Variants in CACNA1C observed in about 807,000 individuals in gnomAD.
CACNA1C encodes calcium voltage-gated channel subunit alpha1 C.
In CACNA1C, 30 loss-of-function variants were observed where a neutral mutation model predicts 229.0. The ratio of observed to expected loss-of-function variants is 0.13; its 90% CI spans 0.10 to 0.18. The LOEUF (loss-of-function observed/expected upper bound fraction) is 0.18. Among genes scored for constraint, CACNA1C ranks in the 10% least tolerant of loss-of-function variants. The pLI is 1.00. For synonymous variants in CACNA1C, 1,114 were observed against 1,132.5 expected, an observed-to-expected ratio of 0.98 and a Z score of 0.33; for missense variants, 1,658 against 2,845.0, an observed-to-expected ratio of 0.58 and a Z score of 9.49.
chr12:2,079,118 A>G (rs1361395862), intron 1 of CACNA1C, among the ~76,000 whole-genome samples: 1 of 84,538 alleles, frequency 1.2e-5, no homozygotes, highest in Non-Finnish European at 2.2e-5. Context: ...ATCACACACC[A>G]GGGGCTGTTG....
chr12:2,597,213 TC>T lies in CACNA1C; in HGVS notation c.2794-15del, dbSNP rs2068751181. ...CTTCCCCATCCCATCCCCACCCTGT[TC>T]CTTTTTGTTTTGCAGATTCTGTTTT... On this transcript the variant is annotated splice_polypyrimidine_tract_variant and intron_variant, in intron 20 of 46. Coordinates refer to ENST00000399655, the MANE Select transcript of CACNA1C (RefSeq NM_000719.7). The surrounding 1 kb of genome is among the most constrained non-coding windows in gnomAD (Gnocchi z 4.3). The T allele has an allele frequency of 1.3e-6, 2 of 1,579,766 alleles. No individual in the cohort carries two copies. Among genetic ancestry groups the T allele is most frequent in the East Asian group, 4.5e-5 (2 of 44,742 alleles).
chr12:1,979,704 C>T (rs1484296698), intron 1 of CACNA1C, among the ~76,000 whole-genome samples: 3 of 152,174 alleles, frequency 2.0e-5, no homozygotes, highest in African/African-American at 7.2e-5. Context: ...AATAGTTCTC[C>T]AAAGTAGTTG....
rs1255573310 is a variant in CACNA1C, at chr12:1,973,527, GTTTTAA to G, written c.139+2330_139+2335del. 1.9e-4 allele frequency among the ~76,000 whole-genome samples: 29 copies of G among 152,096 alleles called. 1 individual carries two copies. Among genetic ancestry groups the G allele is most frequent in the Admixed American group, 2.0e-4 (3 of 15,274 alleles). On this transcript the variant is annotated intron_variant, in intron 1 of 46. Transcript: ENST00000682462. ...AAAGACAGATTTAATCTTTTAGAAA[GTTTTAA>G]TTTATAATGGATTCATGTTATATCA...
chr12:2,610,361 C>T (rs1419825982), intron 27 of CACNA1C, among the ~76,000 whole-genome samples, 180 bp from the exon 28 acceptor site: 6 of 152,150 alleles, frequency 3.9e-5, no homozygotes, highest in Non-Finnish European at 8.8e-5. Context: ...AAAATCAAGA[C>T]ATTTTCCAAA....
chr12:2,442,555 G>A (rs1037365704), intron 3 of CACNA1C, among the ~76,000 whole-genome samples: 45 of 152,364 alleles, frequency 3.0e-4, no homozygotes, highest in Middle Eastern at 3.4e-3. Context: ...CAGAGGAGCA[G>A]GGTCCTCCAG....
intron 1 of CACNA1C, among the ~76,000 whole-genome samples, chr12:2,092,266 G>A (rs1480496127): frequency 1.3e-5 from 2 of 152,146 alleles, no homozygotes; most frequent in African/African-American, 4.8e-5. Flanking sequence ...TGGAAATACT[G>A]CACACCCTGT....
chr12:2,685,662 CG>C (rs987638781), intron 43 of CACNA1C, 73 bp from the exon 44 acceptor site: 8 of 1,095,820 alleles, frequency 7.3e-6, no homozygotes, highest in African/African-American at 3.1e-5. Flanking sequence ...AAGTGCTTTC[CG>C]GGGGTGCAGC....
rs115278100 is a variant in CACNA1C, at chr12:2,297,548, C to T, written c.478-151428C>T. Among the ~76,000 whole-genome samples, 1,260 of 152,266 alleles carry T rather than the reference C, an allele frequency of 8.3e-3. 15 individuals are homozygous for T. The highest frequency in any genetic ancestry group is 0.029 in the African/African-American group (1,206 of 41,550). ...AAAGGGAAGAGAGATGCTAGGGGGTCGTTTCTGTAGAAAGCAGACGCCCAG... is the reference window on the plus strand; with the variant it reads ...AAAGGGAAGAGAGATGCTAGGGGGTTGTTTCTGTAGAAAGCAGACGCCCAG... On this transcript the variant is annotated intron_variant, in intron 3 of 46. Coordinates refer to ENST00000399655, the MANE Select transcript of CACNA1C (RefSeq NM_000719.7).
At chr12:2,304,875 G>A (rs2094888041) in intron 3 of CACNA1C, among the ~76,000 whole-genome samples, 1 of 152,240 alleles carries the variant, frequency 6.6e-6, no homozygotes, top group African/African-American at 2.4e-5. Flanking sequence ...GGTGAGCAGA[G>A]GGTTTGGGTG....
intron 11 of CACNA1C, among the ~76,000 whole-genome samples, chr12:2,557,801 C>T (rs2045280471): frequency 6.6e-6 from 1 of 152,228 alleles, no homozygotes; most frequent in African/African-American, 2.4e-5. Context: ...GGATTACTGG[C>T]TCACAGTCCC....
chr12:2,523,841 T>C (rs1305728159), intron 9 of CACNA1C, among the ~76,000 whole-genome samples: 1 of 152,186 alleles, frequency 6.6e-6, no homozygotes, highest in South Asian at 2.1e-4. Context: ...CAATAACCAG[T>C]GCTCAGCCCC....
rs2097791874 is a variant in CACNA1C, at chr12:2,691,814, A to C, written c.*615A>C. On this transcript the variant is annotated 3_prime_UTR_variant, in exon 47 of 47. Transcript: ENST00000399655. The stretch of plus-strand genomic sequence containing the variant: ...CACGGGCCACGCCGAGCTCCCGGCC[A>C]GCCGCCGGCCCGCAGGCAGCGCGAG... The C allele has an allele frequency of 6.6e-6, 1 of 152,282 alleles. No individual in the cohort carries two copies. The highest frequency in any genetic ancestry group is 2.4e-5 in the African/African-American group (1 of 41,460). 9.4% of individuals were successfully genotyped at this position (152,282 alleles called of 1,614,324 possible). A position where few individuals can be genotyped will look rare whatever the true frequency, so the allele number is the denominator to read the frequency against.
chr12:2,670,515 C>A (rs2096502194), intron 38 of CACNA1C, among the ~76,000 whole-genome samples: 1 of 152,070 alleles, frequency 6.6e-6, no homozygotes. Context: ...TGAAGTGAAA[C>A]AAGAACCAGT....
intron 3 of CACNA1C, among the ~76,000 whole-genome samples, chr12:2,255,611 A>C (rs954577825): frequency 2.0e-5 from 3 of 152,230 alleles, no homozygotes; most frequent in Admixed American, 2.0e-4. Flanking sequence ...AGTGTGTGAC[A>C]GTAAGCTGGT....
rs527586682 is a variant in CACNA1C at position 2,285,184 on chromosome 12, G to A, written c.478-163792G>A. Among the ~76,000 whole-genome samples the A allele has an allele frequency of 3.3e-4, 51 of 152,274 alleles. No homozygotes were observed. Among genetic ancestry groups the A allele is most frequent in the Middle Eastern group, 3.4e-3 (1 of 294 alleles). ...TCCATCCCTGCGTGTTACCTAGCAGGAATTTCCTCTTCCTTGGGTCAAGCG... is the reference window on the plus strand; with the variant it reads ...TCCATCCCTGCGTGTTACCTAGCAGAAATTTCCTCTTCCTTGGGTCAAGCG... On this transcript the variant is annotated intron_variant, in intron 3 of 46. Coordinates refer to ENST00000399655, the MANE Select transcript of CACNA1C (RefSeq NM_000719.7). The surrounding 1 kb of genome is among the most constrained non-coding windows in gnomAD (Gnocchi z 4.2).
chr12:2,454,301 C>G (rs1172524736), intron 4 of CACNA1C, among the ~76,000 whole-genome samples: 1 of 152,216 alleles, frequency 6.6e-6, no homozygotes, highest in African/African-American at 2.4e-5. Context: ...AATCCCATGG[C>G]TATAGCCAAT....
intron 1 of CACNA1C, among the ~76,000 whole-genome samples, chr12:2,022,856 C>T (rs1197665610): frequency 6.6e-6 from 1 of 152,140 alleles, no homozygotes; most frequent in Non-Finnish European, 1.5e-5. Context: ...GAGAACCTAT[C>T]AGTGGCATTA....
intron 3 of CACNA1C, among the ~76,000 whole-genome samples, chr12:2,164,791 G>A (rs971154151): frequency 6.6e-6 from 1 of 152,184 alleles, no homozygotes; most frequent in South Asian, 2.1e-4. Context: ...TCAGAAACAT[G>A]GAGTTAATGC....
intron 3 of CACNA1C, among the ~76,000 whole-genome samples, chr12:2,194,081 T>A (rs1162677945): frequency 6.6e-6 from 1 of 152,104 alleles, no homozygotes; most frequent in Admixed American, 6.5e-5. Context: ...TTCCCACTGA[T>A]GCAGCCCAAG....
Sources: allele counts gnomAD v4.1 joint callset (sites outside exome capture counted in the v4.1 genomes callset), GRCh38; gene constraint gnomAD v4.1.1; non-coding constraint Gnocchi (gnomAD v3.1); transcripts MANE v1.5; gene names NCBI Gene and HGNC (gene_info 2026-07-23, HGNC 2026-07-21).